The following PTPRD variants were observed in gnomAD, a reference collection of about 807,000 sequenced individuals.
PTPRD encodes receptor-type tyrosine-protein phosphatase delta.
PTPRD carries 34 observed loss-of-function variants against 214.5 expected under a neutral mutation model. The ratio of observed to expected loss-of-function variants is 0.16; its 90% CI spans 0.12 to 0.21. The LOEUF (loss-of-function observed/expected upper bound fraction) is 0.21, where lower values mean the gene tolerates loss of function less well. Ranked by LOEUF, PTPRD falls within the 10% of genes least tolerant of loss-of-function variation. The pLI is 1.00. For synonymous variants in PTPRD, 1,128 were observed against 845.7 expected (o/e 1.33, Z -5.79); for missense variants, 2,545 against 2,398.7 (o/e 1.06, Z -1.27).
At chr9:9,865,332 C>T (rs2063705434) in intron 5 of PTPRD, among the ~76,000 whole-genome samples, 1 of 152,194 alleles carries the variant, frequency 6.6e-6, no homozygotes, top group African/African-American at 2.4e-5. Flanking sequence ...ATACTGAGAG[C>T]TCTGCCATCA....
chr9:9,078,748 G>A (rs940899475), intron 10 of PTPRD, among the ~76,000 whole-genome samples: 4 of 152,082 alleles, frequency 2.6e-5, no homozygotes, highest in East Asian at 3.9e-4. Flanking sequence ...GGACCCAGTC[G>A]ATCCTGCAGT....
At chr9:8,442,807 C>A (rs1468810070) in intron 34 of PTPRD, among the ~76,000 whole-genome samples, 3 of 152,040 alleles carry the variant, frequency 2.0e-5, no homozygotes, top group East Asian at 3.8e-4. Context: ...CCTGATACAA[C>A]CATAATGACA....
At chr9:10,530,984 C>T (rs1217853914) in intron 2 of PTPRD, among the ~76,000 whole-genome samples, 3 of 151,564 alleles carry the variant, frequency 2.0e-5, no homozygotes, top group East Asian at 1.9e-4. Context: ...GATTCTTGCT[C>T]TGTCAGCCAG....
intron 9 of PTPRD, among the ~76,000 whole-genome samples, chr9:9,264,461 T>C (rs1938114434): frequency 6.6e-6 from 1 of 151,630 alleles, no homozygotes; most frequent in African/African-American, 2.4e-5. Flanking sequence ...TCACTGGTCA[T>C]TTGAAAATAT....
intron 11 of PTPRD, among the ~76,000 whole-genome samples, chr9:8,774,923 T>C (rs773848139): frequency 2.5e-4 from 38 of 152,332 alleles, no homozygotes; most frequent in Non-Finnish European, 4.0e-4. Flanking sequence ...TATGGTGCCA[T>C]ATTTTCAATT....
At chr9:9,271,605 G>C (rs1942968970) in intron 9 of PTPRD, among the ~76,000 whole-genome samples, 1 of 151,384 alleles carries the variant, frequency 6.6e-6, no homozygotes, top group Non-Finnish European at 1.5e-5. Context: ...ATAGCAAGTA[G>C]TAGTTAAAAA....
At chr9:9,906,799 T>C (rs1015720190) in intron 5 of PTPRD, among the ~76,000 whole-genome samples, 10 of 151,940 alleles carry the variant, frequency 6.6e-5, no homozygotes, top group Non-Finnish European at 1.2e-4. Context: ...ACTGTTAGTT[T>C]TCAAAAGCAC....
At chr9:9,648,049 C>T (rs1209246402) in intron 7 of PTPRD, among the ~76,000 whole-genome samples, 2 of 152,094 alleles carry the variant, frequency 1.3e-5, no homozygotes, top group South Asian at 2.1e-4. Context: ...TCTGCTAACT[C>T]CCCTGCACCT....
chr9:9,682,760 C>G (rs1258304587), intron 7 of PTPRD, among the ~76,000 whole-genome samples: 1 of 151,768 alleles, frequency 6.6e-6, no homozygotes. Context: ...CATGCAAAAT[C>G]CTTTAAGAAA....
intron 5 of PTPRD, 22 bp downstream of exon 5, chr9:9,938,485 T>C (rs548901619): frequency 2.4e-4 from 36 of 152,276 alleles, no homozygotes; most frequent in African/African-American, 8.2e-4. Flanking sequence ...GAAACTAGCA[T>C]ACCCAGTCAT....
At chr9:8,601,245 A>G (rs753180317) in intron 14 of PTPRD, among the ~76,000 whole-genome samples, 3 of 152,166 alleles carry the variant, frequency 2.0e-5, no homozygotes, top group Non-Finnish European at 4.4e-5. Context: ...CACCAAGTAG[A>G]CTTCTAAAGT....
intron 3 of PTPRD, among the ~76,000 whole-genome samples, chr9:10,302,896 C>G (rs954920832): frequency 1.3e-5 from 2 of 152,186 alleles, no homozygotes; most frequent in Non-Finnish European, 2.9e-5. Context: ...AAACTCAGCT[C>G]TGAACCAAGT....
At chr9:9,877,419 C>G (rs1402246064) in intron 5 of PTPRD, among the ~76,000 whole-genome samples, 4 of 152,104 alleles carry the variant, frequency 2.6e-5, no homozygotes, top group East Asian at 1.9e-4. Context: ...AGAGGAGAAA[C>G]TTTAATTTGT....
intron 12 of PTPRD, among the ~76,000 whole-genome samples, chr9:8,650,234 G>T (rs1285769846): frequency 1.3e-5 from 2 of 151,716 alleles, no homozygotes; most frequent in East Asian, 4.0e-4. Context: ...TTATTAATAA[G>T]AATGTGGATA....
chr9:8,952,673 A>G (rs1005979908), intron 11 of PTPRD, among the ~76,000 whole-genome samples: 7 of 151,890 alleles, frequency 4.6e-5, no homozygotes, highest in African/African-American at 1.7e-4. Context: ...GGGCAGAGGT[A>G]TCTTTACAGG....
intron 9 of PTPRD, among the ~76,000 whole-genome samples, chr9:9,232,441 A>C (rs1339539326): frequency 6.6e-6 from 1 of 152,186 alleles, no homozygotes; most frequent in Non-Finnish European, 1.5e-5. Context: ...ATTCAATTTT[A>C]TTAAGGTATA....
chr9:8,638,990 G>A (rs372838758), intron 12 of PTPRD, among the ~76,000 whole-genome samples: 18 of 152,016 alleles, frequency 1.2e-4, no homozygotes, highest in African/African-American at 3.6e-4. Flanking sequence ...CTACAGGTGC[G>A]TACCACCACG....
intron 14 of PTPRD, among the ~76,000 whole-genome samples, chr9:8,535,906 C>CGGAT (rs890070930): frequency 1.2e-4 from 18 of 151,718 alleles, no homozygotes; most frequent in African/African-American, 4.4e-4. Flanking sequence ...TTACTAAATC[C>CGGAT]CACCTTTAAC....
chr9:8,731,297 G>T (rs2098655956), intron 12 of PTPRD, among the ~76,000 whole-genome samples: 1 of 152,108 alleles, frequency 6.6e-6, no homozygotes. Context: ...TTTCAAAGGA[G>T]GACAAACATT....
Sources: allele counts gnomAD v4.1 joint callset (sites outside exome capture counted in the v4.1 genomes callset), GRCh38; gene constraint gnomAD v4.1.1; transcripts MANE v1.5; gene names NCBI Gene and HGNC (gene_info 2026-07-23, HGNC 2026-07-21).